The following HERC1 variants were observed in gnomAD, a reference collection of about 807,000 sequenced individuals.
HERC1 encodes HECT and RLD domain containing E3 ubiquitin protein ligase family member 1.
In HERC1, 160 loss-of-function variants were observed where a neutral mutation model predicts 554.3. The ratio of observed to expected loss-of-function variants is 0.29; its 90% CI spans 0.25 to 0.33. The LOEUF (loss-of-function observed/expected upper bound fraction) is 0.33, where lower values mean the gene tolerates loss of function less well. Ranked by LOEUF, HERC1 falls within the 10% of genes least tolerant of loss-of-function variation. HERC1 has a pLI of 1.00. For missense variants in HERC1, 4,919 were observed against 5,918.5 expected, an observed-to-expected ratio of 0.83 and a Z score of 5.54; for synonymous variants, 2,175 against 2,131.7, an observed-to-expected ratio of 1.02 and a Z score of -0.56.
chr15:63,813,192 T>G (rs2077384893), intron 1 of HERC1, among the ~76,000 whole-genome samples: 1 of 152,148 alleles, frequency 6.6e-6, no homozygotes, highest in African/African-American at 2.4e-5. Flanking sequence ...ATCAGGAAGA[T>G]TTGCTAAAGA....
intron 1 of HERC1, among the ~76,000 whole-genome samples, chr15:63,801,762 G>A (rs1338129231): frequency 6.6e-6 from 1 of 152,172 alleles, no homozygotes; most frequent in Non-Finnish European, 1.5e-5. Context: ...TGGTACCACA[G>A]TGGATATATC....
At chr15:63,642,253 T>C (rs916749529) in intron 59 of HERC1, among the ~76,000 whole-genome samples, 1 of 152,236 alleles carries the variant, frequency 6.6e-6, no homozygotes, top group African/African-American at 2.4e-5. Context: ...TACTAGAATA[T>C]TAAATTTGAA....
Position 63,631,342 on chromosome 15 carries a change from T to C in HERC1, c.12797-707A>G, listed in dbSNP as rs115618219. Among the ~76,000 whole-genome samples the C allele has an allele frequency of 2.0e-3, 302 of 152,314 alleles. 2 individuals carry two copies. The highest frequency in any genetic ancestry group is 7.1e-3 in the African/African-American group (294 of 41,572). ...CACTGTCTCCACTGCACTGAAATTC[T>C]ACTCTCAAAAGCCATGAGTGAGCTC... On this transcript the variant is annotated intron_variant, in intron 68 of 77. Coordinates refer to ENST00000443617, the MANE Select transcript of HERC1 (RefSeq NM_003922.4).
chr15:63,721,252 C>T lies in HERC1; in HGVS notation c.3742+1930G>A, dbSNP rs572096979. Among the ~76,000 whole-genome samples, 286 of 152,166 alleles carry T rather than the reference C, an allele frequency of 1.9e-3. 1 individual carries two copies. Among genetic ancestry groups the T allele is most frequent in the Middle Eastern group, 0.014 (4 of 294 alleles). ...TAACAAACAAAATGGGGCCAGGCGCCGTGGCTCACACCTGTAATCCCAGCA... is the reference window on the plus strand; with the variant it reads ...TAACAAACAAAATGGGGCCAGGCGCTGTGGCTCACACCTGTAATCCCAGCA... On this transcript the variant is annotated intron_variant, in intron 19 of 77. Transcript: ENST00000443617.
intron 1 of HERC1, among the ~76,000 whole-genome samples, chr15:63,804,295 A>G (rs1472424407): frequency 6.6e-6 from 1 of 152,228 alleles, no homozygotes; most frequent in Non-Finnish European, 1.5e-5. Context: ...TCCTTCAAAA[A>G]GTATTGCTAG....
intron 12 of HERC1, among the ~76,000 whole-genome samples, chr15:63,743,263 C>CTTTTTTTTTTTTTTTTTTTTTTTT (rs71131177): frequency 1.3e-4 from 14 of 109,178 alleles, no homozygotes; most frequent in East Asian, 4.9e-4. Context: ...TTTTCTTTTT[C>CTTTTTTTTTTTTTTTTTTTTTTTT]TTTTTTTTTT....
intron 52 of HERC1, among the ~76,000 whole-genome samples, chr15:63,651,707 T>C (rs6494419): frequency 4.6e-5 from 7 of 152,090 alleles, no homozygotes; most frequent in African/African-American, 1.7e-4. Context: ...CTCTTGGGAA[T>C]ACTTCAGAAA....
rs2071127185 is a variant in HERC1 at position 63,675,100 on chromosome 15, G to A, written c.7088C>T (p.Ser2363Leu). 5.7e-6 allele frequency: 9 copies of A among 1,584,088 alleles called. No individual in the cohort carries two copies. The highest frequency in any genetic ancestry group is 7.7e-6 in the Non-Finnish European group (9 of 1,163,580). ...ATTATACAATGGAGTATCACTAGGC[G>A]ACCAAAAAGTTGGGAAGCTTTAATA... ...EITISFPTFW[S>L]PSDTPLYNLE... The change falls in exon 38 of 78, where the codon TCG becomes TTG. Residue 2363 changes from serine to leucine, a missense_variant. By Grantham distance (145) the Ser-to-Leu change is moderately radical. Transcript: ENST00000443617.
chr15:63,679,881 A>G (rs2071391168), intron 36 of HERC1, among the ~76,000 whole-genome samples, 196 bp downstream of exon 36: 1 of 152,268 alleles, frequency 6.6e-6, no homozygotes. Flanking sequence ...TCAAATTGCC[A>G]GAACATGAAA....
At chr15:63,641,105 T>A (rs527554008) in intron 60 of HERC1, among the ~76,000 whole-genome samples, 1 of 152,150 alleles carries the variant, frequency 6.6e-6, no homozygotes, top group African/African-American at 2.4e-5. Context: ...CCCGCATCCA[T>A]CCCTATCCCT....
At chr15:63,776,014 G>A (rs1368278477) in intron 1 of HERC1, among the ~76,000 whole-genome samples, 3 of 150,738 alleles carry the variant, frequency 2.0e-5, no homozygotes, top group Non-Finnish European at 4.4e-5. Flanking sequence ...CTCCAGCCTG[G>A]GTGACAAAGC....
chr15:63,630,353 T>G (rs906993611), intron 69 of HERC1, 113 bp downstream of exon 69: 2 of 1,039,474 alleles, frequency 1.9e-6, no homozygotes, highest in Non-Finnish European at 2.8e-6. Context: ...CAAAGTGATG[T>G]GCTTGGAGTA....
At position 63,653,019 on chromosome 15, in the gene HERC1, C is replaced by T. The variant is rs144225154; in HGVS notation, c.10291-478G>A. 3.2e-3 allele frequency among the ~76,000 whole-genome samples: 488 copies of T among 152,294 alleles called. 2 individuals carry two copies. Among genetic ancestry groups the T allele is most frequent in the South Asian group, 8.1e-3 (39 of 4,826 alleles). On this transcript the variant is annotated intron_variant, in intron 51 of 77. Transcript: ENST00000443617. ...TTATTTGAAGTATAGCTTTAAGGTA[C>T]TATGCACTAATGCATTTGAATTATC...
chr15:63,660,316 T>A (rs2070287218), intron 46 of HERC1, among the ~76,000 whole-genome samples: 1 of 151,654 alleles, frequency 6.6e-6, no homozygotes, highest in South Asian at 2.1e-4. Flanking sequence ...TGAGACTCCA[T>A]CTCAAAGAAA....
intron 12 of HERC1, among the ~76,000 whole-genome samples, chr15:63,741,983 A>G (rs1401469432): frequency 6.6e-6 from 1 of 152,162 alleles, no homozygotes; most frequent in African/African-American, 2.4e-5. Context: ...TTGAATTTCC[A>G]TATGATTTTA....
At chr15:63,688,902 G>C (rs574882000) in intron 33 of HERC1, among the ~76,000 whole-genome samples, 2 of 152,186 alleles carry the variant, frequency 1.3e-5, no homozygotes, top group African/African-American at 4.8e-5. Context: ...AAGGGTTTGA[G>C]GGGGAGACAC....
At position 63,651,372 on chromosome 15, in the gene HERC1, T is replaced by C. The variant is rs377138267; in HGVS notation, c.10427A>G (p.Asp3476Gly). 2 of 1,613,128 alleles carry C rather than the reference T, an allele frequency of 1.2e-6. No individual in the cohort carries two copies. Among genetic ancestry groups the C allele is most frequent in the Non-Finnish European group, 1.7e-6 (2 of 1,179,412 alleles). The change falls in exon 53 of 78, where the codon GAT (aspartate) becomes GGT (glycine). Residue 3476 changes from aspartate (D) to glycine (G), a missense_variant. Coordinates refer to ENST00000443617, the MANE Select transcript of HERC1 (RefSeq NM_003922.4). ...GGGTGATCCCAGGCTTTCCTCAGCA[T>C]CCCCTTCCCTAGAATATAACAGACA... ...QTCVFNRLEG[D>G]AEESLGSPSD...
intron 72 of HERC1, 49 bp from the exon 73 acceptor site, chr15:63,623,939 C>T (rs763459575): frequency 1.3e-6 from 2 of 1,580,338 alleles, no homozygotes; most frequent in Admixed American, 3.4e-5. Flanking sequence ...TACCAATTTC[C>T]CCAAAATCAC....
intron 40 of HERC1, among the ~76,000 whole-genome samples, chr15:63,667,661 A>G (rs2070709640): frequency 6.6e-6 from 1 of 152,254 alleles, no homozygotes; most frequent in African/African-American, 2.4e-5. Flanking sequence ...TTGTAAAATT[A>G]TTACTTTAAC....
Sources: gnomAD v4.1 joint callset for allele counts (sites outside exome capture counted in the v4.1 genomes callset) on GRCh38, gnomAD v4.1.1 for gene constraint, MANE v1.5 for transcripts, NCBI Gene and HGNC (gene_info 2026-07-23, HGNC 2026-07-21) for gene names.